DCAF8L2: variants seen among roughly 807,000 people sequenced by gnomAD.
DCAF8L2 encodes DDB1- and CUL4-associated factor 8-like protein 2.
For missense variants in DCAF8L2, 430 were observed against 490.7 expected, an observed-to-expected ratio of 0.88 and a Z score of 1.17; for synonymous variants, 200 against 190.9, an observed-to-expected ratio of 1.05 and a Z score of -0.39.
chrX:27,707,737 G>T (rs1038059557), intron 3 of DCAF8L2, among the ~76,000 whole-genome samples: 19 of 110,749 alleles, frequency 1.7e-4, no homozygotes, highest in African/African-American at 4.6e-4. Context: ...GATTAAATTG[G>T]GCTTTGTGTT....
At chrX:27,545,516 C>A in the DCAF8L2 span, among the ~76,000 whole-genome samples, 7 of 111,657 alleles carry the variant, frequency 6.3e-5, no homozygotes, top group Non-Finnish European at 1.1e-4. Flanking sequence ...CCACCCAAAT[C>A]TTATGTTGAA....
At chrX:27,544,945 C>A in the DCAF8L2 span, among the ~76,000 whole-genome samples, 1 of 112,023 alleles carries the variant, frequency 8.9e-6, no homozygotes, top group African/African-American at 3.2e-5. Context: ...TTCCACTAAG[C>A]CAACATTTCT....
the DCAF8L2 span, among the ~76,000 whole-genome samples, chrX:27,492,656 T>G: frequency 2.2e-5 from 1 of 45,607 alleles, no homozygotes; most frequent in Non-Finnish European, 7.1e-5. Flanking sequence ...ATTTTTTCTA[T>G]TTTTAGTAGA....
At position 27,660,411 on chromosome X, in the gene DCAF8L2, T is replaced by G. The variant is rs190080512; in HGVS notation, c.-219-17425T>G. ...GCTTATAGAGAAGGAGGTTTTTGTG[T>G]TTTTTTTTGTAGATTTGTCTGTAGC... is the stretch of plus-strand genomic sequence containing the variant. On this transcript the variant is annotated intron_variant, in intron 2 of 4. Coordinates refer to ENST00000451261, the MANE Select transcript of DCAF8L2 (RefSeq NM_001353450.2). Among the ~76,000 whole-genome samples, 243 of 95,790 alleles carry G rather than the reference T, an allele frequency of 2.5e-3. 2 individuals carry two copies. The East Asian group carries it at 0.031, about 12-fold the overall frequency. 83.2% of individuals were successfully genotyped at this position (95,790 alleles called of 115,157 possible).
intron 1 of DCAF8L2, among the ~76,000 whole-genome samples, chrX:27,630,465 T>C (rs1928238879): frequency 9.0e-6 from 1 of 111,709 alleles, no homozygotes; most frequent in South Asian, 3.7e-4. Flanking sequence ...TGCCAGTTCT[T>C]GTCAAACACT....
chrX:27,570,438 G>T, the DCAF8L2 span, among the ~76,000 whole-genome samples: 2 of 111,267 alleles, frequency 1.8e-5, no homozygotes, highest in Admixed American at 1.9e-4. Context: ...GATATCTATT[G>T]GACACTTCTA....
At chrX:27,553,372 G>C in the DCAF8L2 span, among the ~76,000 whole-genome samples, 1 of 111,412 alleles carries the variant, frequency 9.0e-6, no homozygotes. Flanking sequence ...TACTATTACT[G>C]TATTGCAAGT....
chrX:27,497,429 ACT>A, the DCAF8L2 span, among the ~76,000 whole-genome samples: 13 of 110,514 alleles, frequency 1.2e-4, no homozygotes, highest in Non-Finnish European at 2.5e-4. Flanking sequence ...CAAATCTAAC[ACT>A]CTGTACCATT....
chrX:27,599,188 T>TA (rs1459596840), intron 1 of DCAF8L2, among the ~76,000 whole-genome samples: 2 of 110,979 alleles, frequency 1.8e-5, no homozygotes, highest in African/African-American at 3.3e-5. Context: ...ATTCGTCCTT[T>TA]AAAAAGAAGG....
At chrX:27,686,390 C>A (rs902701896) in intron 3 of DCAF8L2, among the ~76,000 whole-genome samples, 2 of 110,881 alleles carry the variant, frequency 1.8e-5, no homozygotes, top group Non-Finnish European at 3.8e-5. Context: ...ACAACAGAAT[C>A]CTATTTGACT....
At chrX:27,632,187 T>C (rs976275152) in intron 2 of DCAF8L2, 187 bp downstream of exon 2, 6 of 112,192 alleles carry the variant, frequency 5.3e-5, no homozygotes, top group African/African-American at 1.9e-4. Flanking sequence ...TTTAAAAATG[T>C]ATGTGCTATA....
At chrX:27,531,008 A>G in the DCAF8L2 span, among the ~76,000 whole-genome samples, 57 of 111,743 alleles carry the variant, frequency 5.1e-4, 1 homozygote, top group African/African-American at 1.7e-3. Context: ...AAAATTTCTT[A>G]TGCTAAATCA....
chrX:27,720,233 G>A (rs1270810277), intron 4 of DCAF8L2, among the ~76,000 whole-genome samples: 2 of 111,288 alleles, frequency 1.8e-5, no homozygotes, highest in Admixed American at 9.6e-5. Context: ...ACTTTGTTTC[G>A]TTTAGATAAT....
intron 1 of DCAF8L2, among the ~76,000 whole-genome samples, chrX:27,616,371 T>TA (rs1778038169): frequency 9.0e-6 from 1 of 110,800 alleles, no homozygotes; most frequent in Non-Finnish European, 1.9e-5. Context: ...GTTATTATAA[T>TA]AAAAAAATCA....
chrX:27,733,333 GA>G (rs1335651694), intron 4 of DCAF8L2, among the ~76,000 whole-genome samples: 4 of 111,653 alleles, frequency 3.6e-5, no homozygotes, highest in African/African-American at 1.3e-4. Flanking sequence ...GTTACGTCTG[GA>G]AAAAATGTAT....
intron 1 of DCAF8L2, among the ~76,000 whole-genome samples, chrX:27,592,117 G>A (rs1926119222): frequency 8.9e-6 from 1 of 112,592 alleles, no homozygotes; most frequent in Admixed American, 9.3e-5. Context: ...GGGCGATGCA[G>A]ATGGGTAGGA....
intron 1 of DCAF8L2, among the ~76,000 whole-genome samples, chrX:27,598,080 C>T (rs1926442124): frequency 9.0e-6 from 1 of 111,643 alleles, no homozygotes; most frequent in South Asian, 3.7e-4. Flanking sequence ...AAAAATTGTA[C>T]AAGGTATACT....
chrX:27,656,651 G>A (rs1243094467), intron 2 of DCAF8L2, among the ~76,000 whole-genome samples: 1 of 111,598 alleles, frequency 9.0e-6, no homozygotes, highest in Non-Finnish European at 1.9e-5. Flanking sequence ...GTAATGGGTT[G>A]GCTGGAGTAA....
intron 3 of DCAF8L2, among the ~76,000 whole-genome samples, chrX:27,690,667 T>A (rs777602800): frequency 9.0e-6 from 1 of 111,000 alleles, no homozygotes; most frequent in Non-Finnish European, 1.9e-5. Flanking sequence ...ATCGTTATAA[T>A]GGCTTACAAA....
Sources: allele counts gnomAD v4.1 joint callset (sites outside exome capture counted in the v4.1 genomes callset), GRCh38; gene constraint gnomAD v4.1.1; transcripts MANE v1.5; gene names NCBI Gene and HGNC (gene_info 2026-07-23, HGNC 2026-07-21).